ZFP91: variants seen among roughly 807,000 people sequenced by gnomAD.
ZFP91 encodes the protein E3 ubiquitin-protein ligase ZFP91.
In ZFP91, 7 loss-of-function variants were observed where a neutral mutation model predicts 63.5. That is an observed-to-expected ratio of 0.11 (90% confidence interval 0.06 to 0.21). The LOEUF is 0.21. Among genes scored for constraint, ZFP91 ranks in the 10% least tolerant of loss-of-function variants. The pLI, the probability that ZFP91 is intolerant of heterozygous loss-of-function variation, is 1.00. For missense variants in ZFP91, 628 were observed against 736.6 expected (o/e 0.85, Z 1.71); for synonymous variants, 330 against 272.1 (o/e 1.21, Z -2.10).
chr11:58,598,417 G>A (rs777739215), intron 2 of ZFP91, among the ~76,000 whole-genome samples: 6 of 152,126 alleles, frequency 3.9e-5, no homozygotes, highest in South Asian at 2.1e-4. Context: ...AAAAACTGGC[G>A]TATGAATGGA....
At chr11:58,611,795 A>G in intron 6 of ZFP91, 57 bp downstream of exon 6, 2 of 1,550,044 alleles carry the variant, frequency 1.3e-6, no homozygotes, top group South Asian at 1.3e-5. Flanking sequence ...ACTAGTGGAA[A>G]AAAGAGTGGG....
chr11:58,579,470 C>T lies in ZFP91; in HGVS notation c.189C>T (p.Ala63=), dbSNP rs548089301. The T allele has an allele frequency of 1.6e-5, 24 of 1,463,474 alleles. No individual in the cohort carries two copies. The highest frequency in any genetic ancestry group is 2.3e-4 in the Middle Eastern group (1 of 4,258). 90.7% of individuals were successfully genotyped at this position (1,463,474 alleles called of 1,614,324 possible). A position where few individuals can be genotyped will look rare whatever the true frequency, so the allele number is the denominator to read the frequency against. ...GRDRGRAAAA[A]AAAAVSRRRK... Reference sequence around the variant, plus strand: ...ACCGAGGCCGGGCCGCTGCGGCCGCCGCCGCCGCAGCTGTGTCCCGCCGGA... The same window carrying T: ...ACCGAGGCCGGGCCGCTGCGGCCGCTGCCGCCGCAGCTGTGTCCCGCCGGA... Residue 63 remains alanine, a synonymous_variant, in exon 1 of 11, where the codon GCC becomes GCT. Coordinates refer to ENST00000316059, the MANE Select transcript of ZFP91 (RefSeq NM_053023.5).
At chr11:58,616,309 G>C (rs530467040) in intron 9 of ZFP91, among the ~76,000 whole-genome samples, 58 of 152,036 alleles carry the variant, frequency 3.8e-4, no homozygotes, top group African/African-American at 1.4e-3. Flanking sequence ...TTGAATGCCA[G>C]ATTCTTTCTG....
Position 58,617,126 on chromosome 11 carries a change from C to A in ZFP91, c.1203-70C>A. On this transcript the variant is annotated intron_variant, in intron 10 of 10. Coordinates refer to ENST00000316059, the MANE Select transcript of ZFP91 (RefSeq NM_053023.5). The surrounding 1 kb of genome is among the most constrained non-coding windows in gnomAD (Gnocchi z 4.2). ...TGTATATATATGCTCTAAACTCTAA[C>A]CCTGATCCTGAATAAGAGCACTCTT... is the stretch of plus-strand genomic sequence containing the variant. 1 of 1,441,296 alleles carries A rather than the reference C, an allele frequency of 6.9e-7. No homozygotes were observed. Among genetic ancestry groups the A allele is most frequent in the Middle Eastern group, 2.5e-4 (1 of 4,038 alleles). 89.3% of individuals were successfully genotyped at this position (1,441,296 alleles called of 1,614,324 possible).
At position 58,579,103 on chromosome 11, in the gene ZFP91, A is replaced by T; in HGVS notation, c.-179A>T. The stretch of plus-strand genomic sequence containing the variant: ...GCGCCGCCAGCGGTAGCGGACCTTG[A>T]GTGGCAGGGGGTGGGGGGGGCGCCC... On this transcript the variant is annotated 5_prime_UTR_variant, in exon 1 of 11. Transcript: ENST00000316059. 3.1e-6 allele frequency: 1 copy of T among 319,346 alleles called. No individual in the cohort carries two copies. Among genetic ancestry groups the T allele is most frequent in the East Asian group, 4.7e-5 (1 of 21,128 alleles). The allele number at this position is 319,346 out of a possible 1,614,324, so 19.8% of individuals were successfully genotyped here. A position where few individuals can be genotyped will look rare whatever the true frequency, so the allele number is the denominator to read the frequency against.
intron 2 of ZFP91, among the ~76,000 whole-genome samples, chr11:58,607,987 A>G (rs551449600): frequency 6.6e-6 from 1 of 151,848 alleles, no homozygotes; most frequent in Non-Finnish European, 1.5e-5. Flanking sequence ...TACTACACAT[A>G]TTTTTGGACC....
chr11:58,586,621 A>G (rs1323337886), intron 2 of ZFP91, among the ~76,000 whole-genome samples: 2 of 152,332 alleles, frequency 1.3e-5, no homozygotes, highest in East Asian at 1.9e-4. Context: ...GTTCAACTCT[A>G]TGAACAGTAG....
rs147020956 is a variant in ZFP91, at chr11:58,608,287, CTACT to C, written c.371-1540_371-1537del. ...TTGAATGTTGTTTTCTACTCTTCTA[CTACT>C]TAAAAACAGTGCTATATGTTAATCA... On this transcript the variant is annotated intron_variant, in intron 2 of 10. Coordinates refer to ENST00000316059, the MANE Select transcript of ZFP91 (RefSeq NM_053023.5). Among the ~76,000 whole-genome samples, 734 of 151,460 alleles carry C rather than the reference CTACT, an allele frequency of 4.8e-3. 6 individuals carry two copies. Among genetic ancestry groups the C allele is most frequent in the African/African-American group, 0.017 (697 of 41,326 alleles).
intron 2 of ZFP91, among the ~76,000 whole-genome samples, chr11:58,598,980 G>A (rs1036573462): frequency 2.0e-5 from 3 of 151,844 alleles, no homozygotes; most frequent in Non-Finnish European, 4.4e-5. Flanking sequence ...CTGTTCAGCT[G>A]CAACAAACAT....
intron 6 of ZFP91, 168 bp from the exon 7 acceptor site, chr11:58,612,110 G>T (rs1855674612): frequency 3.0e-6 from 2 of 671,840 alleles, no homozygotes; most frequent in Non-Finnish European, 5.0e-6. Flanking sequence ...TTACTTCAGG[G>T]TAAAATTACT....
intron 2 of ZFP91, among the ~76,000 whole-genome samples, chr11:58,603,497 G>A (rs1445625707): frequency 6.6e-6 from 1 of 152,202 alleles, no homozygotes; most frequent in Admixed American, 6.5e-5. Flanking sequence ...CTCTCATTTG[G>A]TGGCTTCGAC....
At chr11:58,595,685 CTCTTG>C (rs912220677) in intron 2 of ZFP91, among the ~76,000 whole-genome samples, 1 of 151,012 alleles carries the variant, frequency 6.6e-6, no homozygotes, top group Non-Finnish European at 1.5e-5. Flanking sequence ...TCAAGCAGTT[CTCTTG>C]TCTTGACCTC....
rs747867221 is a variant in ZFP91, at chr11:58,609,917, G to A, written c.458G>A (p.Arg153His). The A allele has an allele frequency of 1.9e-5, 31 of 1,614,030 alleles. No homozygotes were observed. The East Asian group carries it at 3.8e-4, about 20-fold the overall frequency. The change falls in exon 3 of 11, where the codon CGT (arginine) becomes CAT (histidine). Residue 153 changes from arginine (R) to histidine (H), a missense_variant. This residue lies in a region of ZFP91 where 437 missense variants were observed against 380.3 expected (regional missense o/e 1.15). Transcript: ENST00000316059. ...IAASRPSRGW[R>H]SSRTSVSRHR... The stretch of plus-strand genomic sequence containing the variant: ...GCATCTAGACCTAGCCGGGGCTGGC[G>A]TAGTAGTAGGACATCTGTTTCTCGC...
chr11:58,594,443 T>C (rs776963813), intron 2 of ZFP91, among the ~76,000 whole-genome samples: 2 of 152,226 alleles, frequency 1.3e-5, no homozygotes, highest in African/African-American at 2.4e-5. Flanking sequence ...AAACCATCCT[T>C]TCACCTTCTC....
Position 58,612,749 on chromosome 11 carries a change from A to G in ZFP91, c.909-13A>G. 10 of 1,589,806 alleles carry G rather than the reference A, an allele frequency of 6.3e-6. No individual in the cohort carries two copies. The highest frequency in any genetic ancestry group is 8.5e-6 in the Non-Finnish European group (10 of 1,171,536). On this transcript the variant is annotated splice_polypyrimidine_tract_variant and intron_variant, in intron 7 of 10. Transcript: ENST00000316059. Reference sequence around the variant, plus strand: ...TTTTTTTTGCTAACTTTTCTTCTGCATTTTGATAATAGAAAAAAGCCTCCA... The same window carrying G: ...TTTTTTTTGCTAACTTTTCTTCTGCGTTTTGATAATAGAAAAAAGCCTCCA...
Position 58,609,941 on chromosome 11 carries a change from G to A in ZFP91, c.482G>A (p.Arg161His), listed in dbSNP as rs202023024. ...GWRSSRTSVSRHRDTENTRSS... is the reference protein window; with the variant it reads ...GWRSSRTSVSHHRDTENTRSS... ...CGTAGTAGTAGGACATCTGTTTCTC[G>A]CCATCGTGATACAGAGAACACCCGA... The change falls in exon 3 of 11, where the codon CGC becomes CAC. Residue 161 changes from arginine to histidine, a missense_variant. Coordinates refer to ENST00000316059, the MANE Select transcript of ZFP91 (RefSeq NM_053023.5). The A allele has an allele frequency of 1.5e-4, 246 of 1,614,118 alleles. 2 individuals are homozygous for A. The South Asian group carries it at 2.1e-3, about 14-fold the overall frequency.
chr11:58,616,631 T>C (rs1159063544), intron 9 of ZFP91, 85 bp from the exon 10 acceptor site: 19 of 1,049,092 alleles, frequency 1.8e-5, no homozygotes, highest in Non-Finnish European at 2.7e-5. Flanking sequence ...CTAAATTGCC[T>C]GCCCCATCAT....
Position 58,579,152 on chromosome 11 carries a change from G to T in ZFP91, c.-130G>T. On this transcript the variant is annotated 5_prime_UTR_variant, in exon 1 of 11. Coordinates refer to ENST00000316059, the MANE Select transcript of ZFP91 (RefSeq NM_053023.5). ...CCTCGGAGCCGGGCGGAGGGGAGGGGGGAAAGAGGAGCGCAGGGTGAGAGT... is the reference window on the plus strand; with the variant it reads ...CCTCGGAGCCGGGCGGAGGGGAGGGTGGAAAGAGGAGCGCAGGGTGAGAGT... 1 of 735,250 alleles carries T rather than the reference G, an allele frequency of 1.4e-6. No individual in the cohort carries two copies. The highest frequency in any genetic ancestry group is 3.2e-5 in the South Asian group (1 of 30,836). The allele number at this position is 735,250 out of a possible 1,614,324, so 45.5% of individuals were successfully genotyped here. A position where few individuals can be genotyped will look rare whatever the true frequency, so the allele number is the denominator to read the frequency against.
At chr11:58,605,044 T>G (rs888289731) in intron 2 of ZFP91, among the ~76,000 whole-genome samples, 1 of 152,244 alleles carries the variant, frequency 6.6e-6, no homozygotes, top group Non-Finnish European at 1.5e-5. Context: ...TATTTCCTTG[T>G]GTTGCAGATA....
Sources: gnomAD v4.1 joint callset for allele counts (sites outside exome capture counted in the v4.1 genomes callset) on GRCh38, gnomAD v4.1.1 for gene constraint, gnomAD v4.1.1 regional missense constraint, Gnocchi (gnomAD v3.1) non-coding constraint, MANE v1.5 for transcripts, NCBI Gene and HGNC (gene_info 2026-07-23, HGNC 2026-07-21) for gene names.